Variants in LPAR3 observed in about 807,000 individuals in gnomAD.
The protein encoded by LPAR3 is lysophosphatidic acid receptor 3, also known as LPA receptor 3.
A neutral mutation model predicts 17.8 loss-of-function variants in LPAR3; 7 were observed. The ratio of observed to expected loss-of-function variants is 0.39; its 90% CI spans 0.22 to 0.74. The LOEUF (loss-of-function observed/expected upper bound fraction) is 0.74. Ranked by LOEUF, LPAR3 falls within the 30% of genes least tolerant of loss-of-function variation. The pLI is 0.40. For missense variants in LPAR3, 391 were observed against 453.4 expected (o/e 0.86, Z 1.25); for synonymous variants, 179 against 179.9 (o/e 0.99, Z 0.04).
At position 84,811,616 on chromosome 1, in the gene LPAR3, A is replaced by T. The variant is rs1422955838; in HGVS notation, c.*2230T>A. On this transcript the variant is annotated 3_prime_UTR_variant, in exon 3 of 3. Coordinates refer to ENST00000370611, the MANE Select transcript of LPAR3 (RefSeq NM_012152.3). ...AACAAGAGAGAACAGATCTTTTAAA[A>T]TTTTATTTTATAGGTAGCTTCGATA... 6.6e-6 allele frequency: 1 copy of T among 152,236 alleles called. No individual in the cohort carries two copies. The highest frequency in any genetic ancestry group is 2.4e-5 in the African/African-American group (1 of 41,460). The allele number at this position is 152,236 out of a possible 1,614,324, so 9.4% of individuals were successfully genotyped here.
At chr1:84,850,404 A>G (rs1046839324) in intron 2 of LPAR3, among the ~76,000 whole-genome samples, 58 of 151,156 alleles carry the variant, frequency 3.8e-4, no homozygotes, top group Non-Finnish European at 7.2e-4. Context: ...AAAAAAAAAA[A>G]AAAAAAAAAA....
intron 2 of LPAR3, among the ~76,000 whole-genome samples, chr1:84,817,675 A>G (rs951744182): frequency 6.6e-6 from 1 of 152,168 alleles, no homozygotes; most frequent in African/African-American, 2.4e-5. Flanking sequence ...AACAGCATAA[A>G]GATGAGATCA....
In LPAR3 at chr1:84,885,993, T is replaced by C. The variant is rs142021198; in HGVS notation, c.-19+7023A>G. ...TAATATAGAAAAATTTATAAATGTGTGTACACATATACACATATATTTCCT... is the reference window on the plus strand; with the variant it reads ...TAATATAGAAAAATTTATAAATGTGCGTACACATATACACATATATTTCCT... On this transcript the variant is annotated intron_variant, in intron 1 of 2. Transcript: ENST00000370611. 3.3e-5 allele frequency among the ~76,000 whole-genome samples: 5 copies of C among 152,302 alleles called. No homozygotes were observed. The East Asian group carries it at 9.6e-4, about 29-fold the overall frequency.
chr1:84,852,954 TAAAC>T (rs1659747842), intron 2 of LPAR3, among the ~76,000 whole-genome samples: 1 of 151,310 alleles, frequency 6.6e-6, no homozygotes, highest in Admixed American at 6.6e-5. Context: ...GAAAAGAAAA[TAAAC>T]AAGAGTAAAA....
At chr1:84,856,449 A>C (rs750670657) in intron 2 of LPAR3, among the ~76,000 whole-genome samples, 1 of 152,216 alleles carries the variant, frequency 6.6e-6, no homozygotes, top group Non-Finnish European at 1.5e-5. Flanking sequence ...CAGGCAGTAA[A>C]CATTGAAAGC....
At chr1:84,817,807 A>G (rs2102743985) in intron 2 of LPAR3, among the ~76,000 whole-genome samples, 1 of 151,898 alleles carries the variant, frequency 6.6e-6, no homozygotes, top group Middle Eastern at 3.4e-3. Context: ...CTGGCCAAAA[A>G]AAAAAAAAAA....
At chr1:84,816,376 C>T (rs1203713149) in intron 2 of LPAR3, among the ~76,000 whole-genome samples, 2 of 152,148 alleles carry the variant, frequency 1.3e-5, no homozygotes, top group Admixed American at 6.5e-5. Context: ...GTTCAGAAGC[C>T]GCTTAGCCTG....
At position 84,888,808 on chromosome 1, in the gene LPAR3, A is replaced by G. The variant is rs137924434; in HGVS notation, c.-19+4208T>C. Among the ~76,000 whole-genome samples, 514 of 152,312 alleles carry G rather than the reference A, an allele frequency of 3.4e-3. 4 individuals are homozygous for G. The highest frequency in any genetic ancestry group is 0.012 in the African/African-American group (493 of 41,568). ...TAACTGGTCAATCTGCACATGGGTG[A>G]GTCAAGGCCAGGGCTAGTAGAAGCT... On this transcript the variant is annotated intron_variant, in intron 1 of 2. Transcript: ENST00000370611.
At chr1:84,822,468 C>T (rs1365719983) in intron 2 of LPAR3, among the ~76,000 whole-genome samples, 1 of 152,116 alleles carries the variant, frequency 6.6e-6, no homozygotes, top group Non-Finnish European at 1.5e-5. Flanking sequence ...ATGTCTAACA[C>T]TTTGGAAGGT....
intron 1 of LPAR3, among the ~76,000 whole-genome samples, chr1:84,866,415 A>T (rs899751420): frequency 6.6e-6 from 1 of 152,178 alleles, no homozygotes; most frequent in Non-Finnish European, 1.5e-5. Context: ...CCTAGGATTC[A>T]GTTGCTCTGT....
chr1:84,881,241 G>GA (rs1314459624), intron 1 of LPAR3, among the ~76,000 whole-genome samples: 1 of 151,996 alleles, frequency 6.6e-6, no homozygotes, highest in East Asian at 1.9e-4. Context: ...GAGGGAAGGG[G>GA]AGGGGAAGCT....
At chr1:84,877,623 T>C (rs1660283161) in intron 1 of LPAR3, among the ~76,000 whole-genome samples, 1 of 152,220 alleles carries the variant, frequency 6.6e-6, no homozygotes, top group African/African-American at 2.4e-5. Context: ...CCTCAACTTT[T>C]GAACCTCTAT....
At chr1:84,875,538 T>C (rs79383358) in intron 1 of LPAR3, among the ~76,000 whole-genome samples, 5,327 of 152,288 alleles carry the variant, frequency 0.035, 128 homozygotes, top group Non-Finnish European at 0.057. Flanking sequence ...GCCTCTCCCT[T>C]CCACCCCTCC....
At chr1:84,873,315 C>G (rs755063007) in intron 1 of LPAR3, among the ~76,000 whole-genome samples, 4 of 152,190 alleles carry the variant, frequency 2.6e-5, no homozygotes, top group Non-Finnish European at 4.4e-5. Flanking sequence ...GGGGTTATAA[C>G]ATAGGAACTC....
intron 2 of LPAR3, among the ~76,000 whole-genome samples, chr1:84,821,216 C>T (rs967972104): frequency 6.6e-6 from 1 of 151,534 alleles, no homozygotes; most frequent in African/African-American, 2.4e-5. Flanking sequence ...ATCAGAGCTG[C>T]TCTGACTAAA....
chr1:84,871,000 C>A (rs1198188755), intron 1 of LPAR3, among the ~76,000 whole-genome samples: 1 of 151,850 alleles, frequency 6.6e-6, no homozygotes, highest in Non-Finnish European at 1.5e-5. Context: ...TTTTCTTAAC[C>A]CTGAGAAGAC....
chr1:84,887,584 C>T (rs568872552), intron 1 of LPAR3, among the ~76,000 whole-genome samples: 4 of 152,142 alleles, frequency 2.6e-5, no homozygotes, highest in Admixed American at 1.3e-4. Flanking sequence ...GGAAAAATGG[C>T]GAATTTAAGG....
At position 84,866,097 on chromosome 1, in the gene LPAR3, C is replaced by T. The variant is rs775112090; in HGVS notation, c.24G>A (p.Lys8=). ...TCCTATTATAAAAAAAGTCCATGTG[C>T]TTGTCATAGTGACACTCATTCATTG... is the stretch of plus-strand genomic sequence containing the variant. MNECHYD[K]HMDFFYNRSN... is the part of the protein sequence containing the mutation. Residue 8 remains lysine (K), a synonymous_variant, in exon 2 of 3, where the codon AAG becomes AAA. Transcript: ENST00000370611. The T allele has an allele frequency of 1.6e-4, 255 of 1,593,816 alleles. No homozygotes were observed. Among genetic ancestry groups the T allele is most frequent in the Non-Finnish European group, 2.2e-4 (254 of 1,172,828 alleles).
At chr1:84,840,668 C>G (rs978958380) in intron 2 of LPAR3, among the ~76,000 whole-genome samples, 4 of 152,136 alleles carry the variant, frequency 2.6e-5, no homozygotes, top group Admixed American at 2.6e-4. Flanking sequence ...TATGAGGAAA[C>G]TTTTCTGAAC....
Sources: allele counts gnomAD v4.1 joint callset (sites outside exome capture counted in the v4.1 genomes callset), GRCh38; gene constraint gnomAD v4.1.1; transcripts MANE v1.5; gene names NCBI Gene and HGNC (gene_info 2026-07-23, HGNC 2026-07-21).